TRIP12: variants seen among roughly 807,000 people sequenced by gnomAD.
The protein encoded by TRIP12 is E3 ubiquitin-protein ligase TRIP12.
Under a neutral mutation model 244.2 loss-of-function variants are expected in TRIP12, and 25 were observed. The ratio of observed to expected loss-of-function variants is 0.10; its 90% CI spans 0.07 to 0.14. TRIP12 has a LOEUF of 0.14. Ranked by LOEUF, TRIP12 falls within the 10% of genes least tolerant of loss-of-function variation. The pLI is 1.00. For synonymous variants in TRIP12, 905 were observed against 873.1 expected (o/e 1.04, Z -0.64); for missense variants, 1,677 against 2,486.4 (o/e 0.67, Z 6.92).
Position 229,807,792 on chromosome 2 carries a change from C to A in TRIP12, c.2412G>T (p.Gln804His). ...VDTMLKKGNA[Q>H]NTDGAIWQWR... is the part of the protein sequence containing the mutation. ...ACTGCCATATCGCACCATCTGTGTT[C>A]TGTGCATTTCCCTTCTTCAACATGG... The change falls in exon 17 of 42, where the codon CAG (glutamine) becomes CAT (histidine). Residue 804 changes from glutamine (Q) to histidine (H), a missense_variant. Transcript: ENST00000675903. The A allele has an allele frequency of 6.2e-7, 1 of 1,614,184 alleles. No individual in the cohort carries two copies. Among genetic ancestry groups the A allele is most frequent in the Non-Finnish European group, 8.5e-7 (1 of 1,180,028 alleles).
chr2:229,909,687 CAA>C (rs1164187025), intron 1 of TRIP12, among the ~76,000 whole-genome samples: 2 of 136,176 alleles, frequency 1.5e-5, no homozygotes, highest in Non-Finnish European at 1.6e-5. Flanking sequence ...CTGTCTTTAC[CAA>C]AAAAAAAAAA....
intron 4 of TRIP12, among the ~76,000 whole-genome samples, chr2:229,858,269 A>G (rs764551357): frequency 6.6e-6 from 1 of 152,158 alleles, no homozygotes; most frequent in Non-Finnish European, 1.5e-5. Context: ...AGGCCAAGGC[A>G]AGAGGATTGC....
chr2:229,894,333 A>ATT (rs2068168633), intron 1 of TRIP12: 1 of 152,214 alleles, frequency 6.6e-6, no homozygotes, highest in Non-Finnish European at 1.5e-5. Context: ...GCTTTTTAAA[A>ATT]AAAGTCTTTA....
At chr2:229,812,626 C>G (rs1040212283) in intron 13 of TRIP12, among the ~76,000 whole-genome samples, 2 of 151,884 alleles carry the variant, frequency 1.3e-5, no homozygotes, top group Non-Finnish European at 2.9e-5. Flanking sequence ...GCCAACATGG[C>G]GAAACCCTGT....
In TRIP12 at chr2:229,879,965, TA is replaced by T; in HGVS notation, c.98+16del. The T allele has an allele frequency of 6.2e-7, 1 of 1,613,268 alleles. No individual in the cohort carries two copies. Among genetic ancestry groups the T allele is most frequent in the Non-Finnish European group, 8.5e-7 (1 of 1,179,254 alleles). Reference sequence around the variant, plus strand: ...TTTTATTCCCAATTCCTTTTCAAATTACCATGAAATACATACCTTCCTCCTA... The same window carrying T: ...TTTTATTCCCAATTCCTTTTCAAATTCCATGAAATACATACCTTCCTCCTA... On this transcript the variant is annotated intron_variant, in intron 2 of 41. Transcript: ENST00000675903.
At chr2:229,855,620 AAAAAGAG>A (rs2059471564) in intron 4 of TRIP12, among the ~76,000 whole-genome samples, 1 of 130,340 alleles carries the variant, frequency 7.7e-6, no homozygotes, top group African/African-American at 2.6e-5. Context: ...AAAAAAAAAA[AAAAAGAG>A]AAAAGAAAAT....
intron 32 of TRIP12, 21 bp downstream of exon 32, chr2:229,788,777 T>A: frequency 1.2e-6 from 2 of 1,610,180 alleles, no homozygotes; most frequent in Non-Finnish European, 1.7e-6. Context: ...AAGGCCACCA[T>A]TACAGAAGTG....
At chr2:229,863,211 A>G (rs2060753685) in intron 2 of TRIP12, among the ~76,000 whole-genome samples, 1 of 150,578 alleles carries the variant, frequency 6.6e-6, no homozygotes, top group South Asian at 2.1e-4. Flanking sequence ...CCTGGGTGAC[A>G]GGGCGAGACT....
At chr2:229,771,230 A>G (rs1366219839) in intron 39 of TRIP12, among the ~76,000 whole-genome samples, 1 of 152,238 alleles carries the variant, frequency 6.6e-6, no homozygotes, top group East Asian at 1.9e-4. Context: ...AACATGCCAC[A>G]CACAGCACAA....
intron 1 of TRIP12, among the ~76,000 whole-genome samples, chr2:229,884,661 A>G (rs1453936845): frequency 1.3e-5 from 2 of 152,172 alleles, no homozygotes; most frequent in East Asian, 3.8e-4. Context: ...CAGAACACTG[A>G]AAGAAATCAC....
At chr2:229,842,424 T>G (rs997729255) in intron 4 of TRIP12, among the ~76,000 whole-genome samples, 1 of 152,194 alleles carries the variant, frequency 6.6e-6, no homozygotes, top group Non-Finnish European at 1.5e-5. Flanking sequence ...ACATTTAATA[T>G]TTTAAAAATT....
chr2:229,911,323 A>G (rs1044120971), intron 1 of TRIP12, among the ~76,000 whole-genome samples: 1 of 152,264 alleles, frequency 6.6e-6, no homozygotes, highest in Non-Finnish European at 1.5e-5. Flanking sequence ...GTAAGAACAC[A>G]CCAGAAATAA....
chr2:229,840,766 G>C lies in TRIP12; in HGVS notation c.1133+56C>G, dbSNP rs1259748056. Reference sequence around the variant, plus strand: ...GGAGTTAAGTATTTTGATGAAAGTTGAAATTGAGCAACAGAATAAAAATGA... The same window carrying C: ...GGAGTTAAGTATTTTGATGAAAGTTCAAATTGAGCAACAGAATAAAAATGA... On this transcript the variant is annotated intron_variant, in intron 5 of 41. Coordinates refer to ENST00000675903, the MANE Select transcript of TRIP12 (RefSeq NM_001348323.3). 3.4e-6 allele frequency: 4 copies of C among 1,193,128 alleles called. No homozygotes were observed. In the East Asian group the frequency reaches 1.0e-4, roughly 30 times the overall value. 73.9% of individuals were successfully genotyped at this position (1,193,128 alleles called of 1,614,324 possible).
chr2:229,882,635 C>T (rs1303216726), intron 1 of TRIP12, among the ~76,000 whole-genome samples: 1 of 152,166 alleles, frequency 6.6e-6, no homozygotes, highest in Non-Finnish European at 1.5e-5. Flanking sequence ...AGGACAGATA[C>T]AAGAGAATAG....
At chr2:229,797,882 T>C (rs1313094612) in intron 23 of TRIP12, 51 bp from the exon 24 acceptor site, 1 of 1,575,008 alleles carries the variant, frequency 6.3e-7, no homozygotes, top group East Asian at 2.3e-5. Flanking sequence ...GTAGAAAGGA[T>C]ATAACTTCTG....
chr2:229,765,529 T>C lies in TRIP12; in HGVS notation c.*2025A>G, dbSNP rs2031478053. Reference sequence around the variant, plus strand: ...GAGTTTGAGTCAAAATCATCATATATACTTATTAGATGCTGGAATCAATGA... The same window carrying C: ...GAGTTTGAGTCAAAATCATCATATACACTTATTAGATGCTGGAATCAATGA... On this transcript the variant is annotated 3_prime_UTR_variant, in exon 42 of 42. Coordinates refer to ENST00000675903, the MANE Select transcript of TRIP12 (RefSeq NM_001348323.3). 1 of 152,218 alleles carries C rather than the reference T, an allele frequency of 6.6e-6. No homozygotes were observed. The highest frequency in any genetic ancestry group is 1.5e-5 in the Non-Finnish European group (1 of 68,030). The allele number at this position is 152,218 out of a possible 1,614,324, so 9.4% of individuals were successfully genotyped here.
Position 229,791,242 on chromosome 2 carries a change from A to G in TRIP12, c.4425T>C (p.Pro1475=). ...WTKTHTIWYK[P]VREDEESNKD... ...TATTACTTTCTTCATCCTCTCTCAC[A>G]GGTTTATACCTAAAATGACAAGACA... Residue 1475 remains proline, a synonymous_variant, in exon 30 of 42, where the codon CCT becomes CCC. Coordinates refer to ENST00000675903, the MANE Select transcript of TRIP12 (RefSeq NM_001348323.3). 1 of 1,614,068 alleles carries G rather than the reference A, an allele frequency of 6.2e-7. No homozygotes were observed. The highest frequency in any genetic ancestry group is 8.5e-7 in the Non-Finnish European group (1 of 1,179,954).
chr2:229,905,749 G>C (rs1328058263), intron 1 of TRIP12, among the ~76,000 whole-genome samples: 1 of 152,110 alleles, frequency 6.6e-6, no homozygotes, highest in African/African-American at 2.4e-5. Context: ...TGGGGGAGGA[G>C]GGTGTAGCTC....
In TRIP12 at chr2:229,802,404, T is replaced by A. The variant is rs551731160; in HGVS notation, c.3054A>T (p.Pro1018=). The part of the protein sequence containing the change: ...LAESESLLTS[P]PKACTNGSGS... ...CCGATCCATTCGTACATGCCTTTGG[T>A]GGACTTGTCAACAAAGACTCTGATT... Residue 1018 remains proline, a synonymous_variant, in exon 21 of 42, where the codon CCA becomes CCT. Coordinates refer to ENST00000675903, the MANE Select transcript of TRIP12 (RefSeq NM_001348323.3). The A allele has an allele frequency of 2.1e-5, 34 of 1,613,924 alleles. 1 individual carries two copies. Among genetic ancestry groups the A allele is most frequent in the South Asian group, 9.9e-5 (9 of 91,082 alleles).
Sources: gnomAD v4.1 joint callset for allele counts (sites outside exome capture counted in the v4.1 genomes callset) on GRCh38, gnomAD v4.1.1 for gene constraint, MANE v1.5 for transcripts, NCBI Gene and HGNC (gene_info 2026-07-23, HGNC 2026-07-21) for gene names.